Variants in KSR2 observed in about 807,000 individuals in gnomAD.
KSR2 encodes kinase suppressor of ras 2.
Under a neutral mutation model 107.8 loss-of-function variants are expected in KSR2, and 25 were observed. The ratio of observed to expected loss-of-function variants is 0.23; its 90% CI spans 0.17 to 0.32. The LOEUF (loss-of-function observed/expected upper bound fraction) is 0.32. Ranked by LOEUF, KSR2 falls within the 10% of genes least tolerant of loss-of-function variation. The pLI, the probability that KSR2 is intolerant of heterozygous loss-of-function variation, is 1.00. For missense variants in KSR2, 887 were observed against 1,268.9 expected (o/e 0.70, Z 4.57); for synonymous variants, 480 against 507.0 (o/e 0.95, Z 0.71).
At chr12:117,526,538 A>G (rs565678974) in intron 13 of KSR2, among the ~76,000 whole-genome samples, 81 of 152,350 alleles carry the variant, frequency 5.3e-4, no homozygotes, top group Non-Finnish European at 7.8e-4. Context: ...AAATAGTCCC[A>G]GAAAAGAACA....
chr12:117,814,243 T>G (rs1393313742), intron 3 of KSR2, among the ~76,000 whole-genome samples: 1 of 152,098 alleles, frequency 6.6e-6, no homozygotes, highest in Non-Finnish European at 1.5e-5. Flanking sequence ...CAGTTAATAA[T>G]AAATAGCTAG....
Position 117,544,980 on chromosome 12 carries a change from T to C in KSR2, c.1519-5093A>G, listed in dbSNP as rs112471259. On this transcript the variant is annotated intron_variant, in intron 9 of 19. Transcript: ENST00000339824. ...AGCTGTAGTATTATTTTAGGTGCTT[T>C]TATCAAGTTGAGGAATTTCCTCATT... is the stretch of plus-strand genomic sequence containing the variant. Among the ~76,000 whole-genome samples the C allele has an allele frequency of 5.2e-3, 786 of 152,360 alleles. 8 individuals are homozygous for C. Among genetic ancestry groups the C allele is most frequent in the African/African-American group, 0.018 (745 of 41,586 alleles).
intron 5 of KSR2, among the ~76,000 whole-genome samples, chr12:117,603,338 C>T (rs547931301): frequency 2.8e-4 from 43 of 152,302 alleles, no homozygotes; most frequent in African/African-American, 9.6e-4. Flanking sequence ...TAGCTAATTG[C>T]TACAAGTCTA....
rs564347724 is a variant in KSR2 at position 117,555,248 on chromosome 12, T to C, written c.1439A>G (p.Asn480Ser). ...GCGAGGTGGCTTCCGTAGAGGGTTG[T>C]TGATGTCACACGGAACGGACTCTGT... is the stretch of plus-strand genomic sequence containing the variant. ...VRTESVPCDI[N>S]NPLRKPPRYS... The change falls in exon 9 of 20, where the codon AAC (asparagine) becomes AGC (serine). Residue 480 changes from asparagine to serine, a missense_variant. By Grantham distance (46) the Asn-to-Ser change is conservative. This residue lies in a region of KSR2 where 60 missense variants were observed against 77.5 expected (regional missense o/e 0.77). Transcript: ENST00000339824. 40 of 1,613,946 alleles carry C rather than the reference T, an allele frequency of 2.5e-5. No individual in the cohort carries two copies. The highest frequency in any genetic ancestry group is 3.0e-5 in the Non-Finnish European group (35 of 1,179,844).
chr12:117,609,613 CT>C (rs1396956514), intron 5 of KSR2, among the ~76,000 whole-genome samples: 1 of 152,196 alleles, frequency 6.6e-6, no homozygotes, highest in Non-Finnish European at 1.5e-5. Context: ...ACAGTTGCAC[CT>C]GCTCACTTTT....
chr12:117,943,917 C>T (rs1387204099), intron 1 of KSR2, among the ~76,000 whole-genome samples: 1 of 152,136 alleles, frequency 6.6e-6, no homozygotes, highest in Non-Finnish European at 1.5e-5. Flanking sequence ...ACTTGGTTCT[C>T]ATTCACTCTT....
chr12:117,638,991 C>G (rs1403712080), intron 5 of KSR2, among the ~76,000 whole-genome samples: 2 of 152,118 alleles, frequency 1.3e-5, no homozygotes, highest in Admixed American at 6.5e-5. Flanking sequence ...GGGATTTAGC[C>G]CTGCACCTAC....
chr12:117,801,550 T>C (rs1890833742), intron 3 of KSR2, among the ~76,000 whole-genome samples: 1 of 152,044 alleles, frequency 6.6e-6, no homozygotes, highest in African/African-American at 2.4e-5. Flanking sequence ...AAACTTACAA[T>C]CCTAGCAGAA....
chr12:117,906,985 A>T (rs1894874372), intron 1 of KSR2, among the ~76,000 whole-genome samples: 1 of 152,050 alleles, frequency 6.6e-6, no homozygotes, highest in African/African-American at 2.4e-5. Context: ...GCACCACTGC[A>T]CTCCAGCCTG....
intron 4 of KSR2, among the ~76,000 whole-genome samples, chr12:117,756,291 C>T (rs922258287): frequency 6.6e-6 from 1 of 152,332 alleles, no homozygotes; most frequent in Admixed American, 6.5e-5. Flanking sequence ...TTCAAAGCTT[C>T]AAAGAACAGG....
intron 4 of KSR2, among the ~76,000 whole-genome samples, chr12:117,707,882 C>T (rs943686426): frequency 2.0e-5 from 3 of 152,282 alleles, no homozygotes; most frequent in Non-Finnish European, 4.4e-5. Flanking sequence ...GATCAATGAT[C>T]TCTGGTAGTA....
chr12:117,901,685 A>G (rs1203948895), intron 1 of KSR2, among the ~76,000 whole-genome samples: 1 of 152,080 alleles, frequency 6.6e-6, no homozygotes, highest in Non-Finnish European at 1.5e-5. Flanking sequence ...TTAAACGTGG[A>G]GTGTGGTTGG....
Position 117,475,015 on chromosome 12 carries a change from C to T in KSR2, c.2582+1449G>A, listed in dbSNP as rs552416397. Among the ~76,000 whole-genome samples, 16 of 152,260 alleles carry T rather than the reference C, an allele frequency of 1.1e-4. 1 individual carries two copies. The South Asian group carries it at 3.3e-3, about 32-fold the overall frequency. On this transcript the variant is annotated intron_variant, in intron 17 of 19. Coordinates refer to ENST00000339824, the MANE Select transcript of KSR2 (RefSeq NM_173598.6). ...CATCAAGCTCTATTGCTTCCACCTC[C>T]TCTGGGTGCTGCTGATGTCCATTCT...
chr12:117,938,475 G>C (rs981210689), intron 1 of KSR2, among the ~76,000 whole-genome samples: 2 of 151,674 alleles, frequency 1.3e-5, no homozygotes, highest in African/African-American at 4.8e-5. Flanking sequence ...GCAACATAGA[G>C]AGACCTCATT....
intron 14 of KSR2, among the ~76,000 whole-genome samples, chr12:117,512,641 T>C (rs1268012889): frequency 6.6e-6 from 1 of 152,198 alleles, no homozygotes; most frequent in Admixed American, 6.5e-5. Flanking sequence ...CCACCCAGCA[T>C]GAATGGCTCC....
At chr12:117,852,803 G>T (rs114790507) in intron 3 of KSR2, among the ~76,000 whole-genome samples, 4,805 of 152,084 alleles carry the variant, frequency 0.032, 265 homozygotes, top group African/African-American at 0.11. Flanking sequence ...TGGGTTTTTT[G>T]TTGTTGTTTT....
At chr12:117,634,132 T>C (rs2136381594) in intron 5 of KSR2, among the ~76,000 whole-genome samples, 1 of 152,254 alleles carries the variant, frequency 6.6e-6, no homozygotes, top group South Asian at 2.1e-4. Flanking sequence ...TGAATGGCAG[T>C]TCAGTTTCTA....
At chr12:117,731,403 T>A (rs560810718) in intron 4 of KSR2, among the ~76,000 whole-genome samples, 3 of 134,206 alleles carry the variant, frequency 2.2e-5, no homozygotes, top group African/African-American at 9.1e-5. Flanking sequence ...AGCCGCCCCG[T>A]CCGGGAGGGA....
intron 4 of KSR2, among the ~76,000 whole-genome samples, chr12:117,724,873 A>G (rs1593170480): frequency 6.6e-6 from 1 of 151,758 alleles, no homozygotes; most frequent in South Asian, 2.1e-4. Context: ...GGAGGGAGGG[A>G]TTTCAAGAAG....
Sources: gnomAD v4.1 joint callset for allele counts (sites outside exome capture counted in the v4.1 genomes callset) on GRCh38, gnomAD v4.1.1 for gene constraint, gnomAD v4.1.1 regional missense constraint, MANE v1.5 for transcripts, NCBI Gene and HGNC (gene_info 2026-07-23, HGNC 2026-07-21) for gene names.